The following TBC1D22A variants were observed in gnomAD, a reference collection of about 807,000 sequenced individuals.
TBC1D22A encodes TBC1 domain family member 22A.
A neutral mutation model predicts 60.2 loss-of-function variants in TBC1D22A; 38 were observed. That is an observed-to-expected ratio of 0.63 (90% CI 0.49 to 0.83). The LOEUF is 0.83. TBC1D22A is among the 40% of genes least tolerant of loss of function. The probability of loss-of-function intolerance (pLI) is 0.00; values close to 1 mark genes in which losing one functional copy is unlikely to be tolerated. For synonymous variants in TBC1D22A, 302 were observed against 281.7 expected (o/e 1.07, Z -0.72); for missense variants, 628 against 701.0 (o/e 0.90, Z 1.18).
chr22:46,981,327 A>G (rs1328495962), intron 9 of TBC1D22A, among the ~76,000 whole-genome samples: 2 of 151,620 alleles, frequency 1.3e-5, no homozygotes, highest in Admixed American at 6.6e-5. Flanking sequence ...CACAGCAACC[A>G]TAAGGCACTT....
At position 47,009,370 on chromosome 22, in the gene TBC1D22A, T is replaced by C. The variant is rs1315623570; in HGVS notation, c.1201+11661T>C. Among the ~76,000 whole-genome samples the C allele has an allele frequency of 6.6e-6, 1 of 151,324 alleles. No homozygotes were observed. Among genetic ancestry groups the C allele is most frequent in the African/African-American group, 2.4e-5 (1 of 41,010 alleles). ...ACCACCATCATCATCACCATCACCA[T>C]CATCATTTCATCACCATCACCATCA... On this transcript the variant is annotated intron_variant, in intron 10 of 12. Coordinates refer to ENST00000337137, the MANE Select transcript of TBC1D22A (RefSeq NM_014346.5). This position sits in a 1 kb window ranked among gnomAD's most constrained non-coding sequence, Gnocchi z 5.8.
intron 9 of TBC1D22A, among the ~76,000 whole-genome samples, chr22:46,989,749 T>C (rs150473253): frequency 1.2e-3 from 166 of 135,390 alleles, no homozygotes; most frequent in African/African-American, 5.0e-3. Flanking sequence ...ATTGCCAAAA[T>C]GTGACAGAGT....
At chr22:47,038,286 C>A (rs547845295) in intron 11 of TBC1D22A, among the ~76,000 whole-genome samples, 5 of 152,332 alleles carry the variant, frequency 3.3e-5, no homozygotes, top group African/African-American at 1.2e-4. Context: ...GCTGCACGTT[C>A]AGGATTTGCA....
intron 12 of TBC1D22A, among the ~76,000 whole-genome samples, chr22:47,169,922 C>T (rs893579388): frequency 2.6e-5 from 4 of 152,214 alleles, no homozygotes; most frequent in Non-Finnish European, 5.9e-5. Context: ...CAGGCAGCAC[C>T]GTCATTGCTG....
chr22:46,819,661 G>A (rs1229716228), intron 4 of TBC1D22A, among the ~76,000 whole-genome samples: 1 of 152,168 alleles, frequency 6.6e-6, no homozygotes, highest in Non-Finnish European at 1.5e-5. Flanking sequence ...GAGGATTTTC[G>A]CATTGATGTT....
chr22:46,977,722 A>G (rs948259077), intron 9 of TBC1D22A, among the ~76,000 whole-genome samples: 4 of 152,158 alleles, frequency 2.6e-5, no homozygotes, highest in Non-Finnish European at 4.4e-5. Context: ...ACTTTCAATT[A>G]TGGCAGAAAG....
chr22:46,985,299 G>A (rs930809429), intron 9 of TBC1D22A, among the ~76,000 whole-genome samples: 4 of 152,146 alleles, frequency 2.6e-5, no homozygotes, highest in South Asian at 2.1e-4. Context: ...CGCCGAGTCC[G>A]TTTAGATGTG....
At chr22:47,132,659 T>TCTCCCAA (rs2066718131) in intron 12 of TBC1D22A, among the ~76,000 whole-genome samples, 1 of 152,192 alleles carries the variant, frequency 6.6e-6, no homozygotes, top group Non-Finnish European at 1.5e-5. Context: ...GGGAGTCCTG[T>TCTCCCAA]CCTGGCTCCT....
chr22:47,171,434 C>T (rs1217447453), intron 12 of TBC1D22A, among the ~76,000 whole-genome samples: 1 of 152,140 alleles, frequency 6.6e-6, no homozygotes, highest in Admixed American at 6.5e-5. Context: ...GCAGGTGGCC[C>T]CCTGGGGGCA....
intron 4 of TBC1D22A, among the ~76,000 whole-genome samples, chr22:46,809,040 ATAGGT>A (rs1274864996): frequency 4.6e-5 from 7 of 152,370 alleles, no homozygotes; most frequent in African/African-American, 1.7e-4. Flanking sequence ...AATCTAAAGA[ATAGGT>A]TAGTGTATTA....
chr22:46,770,449 A>C lies in TBC1D22A; in HGVS notation c.62+7601A>C, dbSNP rs5767349. Among the ~76,000 whole-genome samples, 24 of 152,340 alleles carry C rather than the reference A, an allele frequency of 1.6e-4. No homozygotes were observed. The East Asian group carries it at 3.5e-3, about 22-fold the overall frequency. ...CTTCGAGATAGTGAATGCATGTTTT[A>C]AGCTGTGGTAATTTGTTACAGCAGC... On this transcript the variant is annotated intron_variant, in intron 1 of 12. Transcript: ENST00000337137.
intron 11 of TBC1D22A, among the ~76,000 whole-genome samples, chr22:47,089,178 A>G (rs373324968): frequency 6.6e-6 from 1 of 152,354 alleles, no homozygotes; most frequent in African/African-American, 2.4e-5. Flanking sequence ...GACAGCAGAA[A>G]GACACATGAT....
intron 12 of TBC1D22A, among the ~76,000 whole-genome samples, chr22:47,114,992 C>T (rs2147735897): frequency 6.6e-6 from 1 of 151,452 alleles, no homozygotes; most frequent in African/African-American, 2.4e-5. Context: ...TGAGCCACCT[C>T]CAGGGCCTGC....
At chr22:46,763,045 A>G (rs1465057613) in intron 1 of TBC1D22A, among the ~76,000 whole-genome samples, 197 bp downstream of exon 1, 1 of 151,994 alleles carries the variant, frequency 6.6e-6, no homozygotes, top group African/African-American at 2.4e-5. Context: ...GGCTGCACGT[A>G]GGATCGAGGC....
chr22:47,119,550 A>G lies in TBC1D22A; in HGVS notation c.1425+7947A>G, dbSNP rs1031463683. On this transcript the variant is annotated intron_variant, in intron 12 of 12. Transcript: ENST00000337137. ...CTCACACTGTCACCCGGGCTGGTGTACAGTGGGGCGATCTCGGCTCGCTGC... is the reference window on the plus strand; with the variant it reads ...CTCACACTGTCACCCGGGCTGGTGTGCAGTGGGGCGATCTCGGCTCGCTGC... Among the ~76,000 whole-genome samples the G allele has an allele frequency of 3.3e-5, 5 of 149,816 alleles. No homozygotes were observed. The East Asian group carries it at 9.8e-4, about 29-fold the overall frequency.
At chr22:47,140,865 C>T (rs935921889) in intron 12 of TBC1D22A, among the ~76,000 whole-genome samples, 1 of 152,348 alleles carries the variant, frequency 6.6e-6, no homozygotes, top group Non-Finnish European at 1.5e-5. Flanking sequence ...CTCCCACAAT[C>T]GGCAGCACAC....
At chr22:46,946,769 C>T (rs1373284779) in intron 8 of TBC1D22A, among the ~76,000 whole-genome samples, 1 of 152,172 alleles carries the variant, frequency 6.6e-6, no homozygotes, top group Admixed American at 6.5e-5. Context: ...GCCTGGGGCC[C>T]CTTCCTCTAG....
At chr22:46,880,279 T>TA (rs377654019) in intron 5 of TBC1D22A, among the ~76,000 whole-genome samples, 3 of 152,252 alleles carry the variant, frequency 2.0e-5, no homozygotes, top group African/African-American at 7.2e-5. Context: ...CACGAATGGT[T>TA]ACATTCTTTT....
chr22:47,155,935 T>C (rs1458445345), intron 12 of TBC1D22A, among the ~76,000 whole-genome samples: 1 of 152,244 alleles, frequency 6.6e-6, no homozygotes, highest in African/African-American at 2.4e-5. Context: ...GAACTTTTCA[T>C]AGGCAGTTTT....
Sources: allele counts gnomAD v4.1 joint callset (sites outside exome capture counted in the v4.1 genomes callset), GRCh38; gene constraint gnomAD v4.1.1; non-coding constraint Gnocchi (gnomAD v3.1); transcripts MANE v1.5; gene names NCBI Gene and HGNC (gene_info 2026-07-23, HGNC 2026-07-21).